PPM1G: variants seen among roughly 807,000 people sequenced by gnomAD.
PPM1G encodes protein phosphatase, Mg2+/Mn2+ dependent 1G.
A neutral mutation model predicts 59.4 loss-of-function variants in PPM1G; 12 were observed. The observed-to-expected ratio is 0.20, with a 90% CI of 0.13 to 0.33. PPM1G has a LOEUF of 0.33. Ranked by LOEUF, PPM1G falls within the 10% of genes least tolerant of loss-of-function variation. PPM1G has a pLI of 1.00. For missense variants in PPM1G, 392 were observed against 681.3 expected (o/e 0.58, Z 4.73); for synonymous variants, 245 against 251.9 (o/e 0.97, Z 0.26).
At chr2:27,398,042 T>C (rs1390355630) in intron 1 of PPM1G, among the ~76,000 whole-genome samples, 2 of 152,186 alleles carry the variant, frequency 1.3e-5, no homozygotes, top group Non-Finnish European at 2.9e-5. Context: ...AGGTGCCTTT[T>C]GTGCAGAAAT....
rs1031870368 is a variant in PPM1G, at chr2:27,393,227, C to T, written c.121-6069G>A. 8 of 1,566,076 alleles carry T rather than the reference C, an allele frequency of 5.1e-6. No homozygotes were observed. In the East Asian group the frequency reaches 1.8e-4, roughly 35 times the overall value. ...AGTATTTGGCAAAGTTCTTCAAAGC[C>T]ACATCATCGCTGTCAAAGTAGTAAG... On this transcript the variant is annotated intron_variant, in intron 1 of 9. Transcript: ENST00000344034.
intron 1 of PPM1G, among the ~76,000 whole-genome samples, chr2:27,395,828 A>G (rs1177137157): frequency 6.6e-6 from 1 of 150,460 alleles, no homozygotes; most frequent in East Asian, 2.0e-4. Context: ...ATGAGCAAGA[A>G]TAAGACCGTC....
In PPM1G at chr2:27,383,802, T is replaced by C. The variant is rs1371233116; in HGVS notation, c.966+150A>G. The C allele has an allele frequency of 7.7e-7, 1 of 1,294,032 alleles. No individual in the cohort carries two copies. The highest frequency in any genetic ancestry group is 1.1e-6 in the Non-Finnish European group (1 of 948,298). 80.2% of individuals were successfully genotyped at this position (1,294,032 alleles called of 1,614,324 possible). ...TTTAGATAATTCAACCCCAAAGGCT[T>C]ACCATCTCATTCCCCTTGCAGAATA... is the stretch of plus-strand genomic sequence containing the variant. On this transcript the variant is annotated intron_variant, in intron 6 of 9. Coordinates refer to ENST00000344034, the MANE Select transcript of PPM1G (RefSeq NM_177983.3). This position sits in a 1 kb window ranked among gnomAD's most constrained non-coding sequence, Gnocchi z 5.0.
In PPM1G at chr2:27,382,912, G is replaced by C. The variant is rs535702780; in HGVS notation, c.1202-307C>G. ...ACGATCTCGGCTCACTACAACCTCC[G>C]CCTCCCGGATTCAAGCGGTTCTCCT... On this transcript the variant is annotated intron_variant, in intron 7 of 9. Transcript: ENST00000344034. The surrounding 1 kb of genome is among the most constrained non-coding windows in gnomAD (Gnocchi z 4.2). Among the ~76,000 whole-genome samples the C allele has an allele frequency of 2.3e-3, 337 of 149,340 alleles. 2 individuals carry two copies. The highest frequency in any genetic ancestry group is 7.9e-3 in the African/African-American group (319 of 40,364).
chr2:27,408,925 C>T (rs892325021), intron 1 of PPM1G, among the ~76,000 whole-genome samples: 1 of 152,216 alleles, frequency 6.6e-6, no homozygotes, highest in African/African-American at 2.4e-5. Flanking sequence ...TCACCTCTCC[C>T]TTGAAAAACA....
At chr2:27,407,753 T>C (rs2148429749) in intron 1 of PPM1G, among the ~76,000 whole-genome samples, 1 of 152,154 alleles carries the variant, frequency 6.6e-6, no homozygotes, top group African/African-American at 2.4e-5. Context: ...TTCTTAGCTA[T>C]AAAATGTGGG....
intron 1 of PPM1G, among the ~76,000 whole-genome samples, chr2:27,398,806 G>GC (rs1037931096): frequency 6.7e-6 from 1 of 149,312 alleles, no homozygotes; most frequent in African/African-American, 2.5e-5. Context: ...TGGCAACAGA[G>GC]CGAGACTCCG....
chr2:27,390,085 A>G (rs1683863664), intron 1 of PPM1G, among the ~76,000 whole-genome samples: 1 of 151,096 alleles, frequency 6.6e-6, no homozygotes, highest in Non-Finnish European at 1.5e-5. Context: ...GGCGCGATCT[A>G]GGCTCACCAT....
chr2:27,402,588 C>T (rs1256930339), intron 1 of PPM1G, among the ~76,000 whole-genome samples: 3 of 151,948 alleles, frequency 2.0e-5, no homozygotes, highest in Non-Finnish European at 4.4e-5. Context: ...GGGTGGATCA[C>T]GAGGTCAGGA....
rs1197960544 is a variant in PPM1G at position 27,383,625 on chromosome 2, A to T, written c.967-25T>A. ...GCTTAAGAGGAAGAAAAGGAGCATC[A>T]TGGGGGCTTCTGAACATGCGTTCCT... On this transcript the variant is annotated intron_variant, in intron 6 of 9. Transcript: ENST00000344034. The surrounding 1 kb of genome is among the most constrained non-coding windows in gnomAD (Gnocchi z 5.0). The T allele has an allele frequency of 3.2e-6, 5 of 1,586,456 alleles. No homozygotes were observed. Among genetic ancestry groups the T allele is most frequent in the Non-Finnish European group, 4.3e-6 (5 of 1,163,804 alleles).
chr2:27,388,540 T>C (rs1239000780), intron 1 of PPM1G, among the ~76,000 whole-genome samples: 3 of 152,160 alleles, frequency 2.0e-5, no homozygotes, highest in Admixed American at 6.6e-5. Flanking sequence ...GGAAATGAGT[T>C]CACAATATCT....
rs910516569 is a variant in PPM1G, at chr2:27,396,163, G to A, written c.121-9005C>T. Among the ~76,000 whole-genome samples, 12 of 152,088 alleles carry A rather than the reference G, an allele frequency of 7.9e-5. 1 individual carries two copies. The highest frequency in any genetic ancestry group is 5.2e-4 in the Admixed American group (8 of 15,258). ...GGCGAGCACCTGTAATCCCAGCTAC[G>A]TGGGAGGCCGAGGCAGGACAATCAC... On this transcript the variant is annotated intron_variant, in intron 1 of 9. Transcript: ENST00000344034.
At chr2:27,395,894 A>G (rs149888362) in intron 1 of PPM1G, among the ~76,000 whole-genome samples, 1 of 152,232 alleles carries the variant, frequency 6.6e-6, no homozygotes, top group East Asian at 1.9e-4. Flanking sequence ...AAAACAGATA[A>G]TAACAACTGC....
chr2:27,385,849 C>A lies in PPM1G; in HGVS notation c.307G>T (p.Ala103Ser), dbSNP rs773561298. 1.2e-6 allele frequency: 2 copies of A among 1,613,608 alleles called. No individual in the cohort carries two copies. Among genetic ancestry groups the A allele is most frequent in the Non-Finnish European group, 1.7e-6 (2 of 1,179,896 alleles). The change falls in exon 4 of 10, where the codon GCC becomes TCC. Residue 103 changes from alanine to serine, a missense_variant. Ala to Ser is a moderately conservative substitution (Grantham distance 99). Coordinates refer to ENST00000344034, the MANE Select transcript of PPM1G (RefSeq NM_177983.3). The surrounding 1 kb of genome is among the most constrained non-coding windows in gnomAD (Gnocchi z 4.1). The stretch of plus-strand genomic sequence containing the variant: ...ATGACTTCTTCAGTGGTCAATTTGG[C>A]GTCAATAGCCAAGAAGGCATCTTCT... ...ALEDAFLAID[A>S]KLTTEEVIKE...
chr2:27,405,003 T>C (rs981773042), intron 1 of PPM1G, among the ~76,000 whole-genome samples: 4 of 150,836 alleles, frequency 2.7e-5, no homozygotes, highest in Non-Finnish European at 5.9e-5. Context: ...ATTTGACTTC[T>C]TATTTAGCCA....
intron 1 of PPM1G, among the ~76,000 whole-genome samples, chr2:27,401,845 G>GA (rs944315526): frequency 2.7e-5 from 4 of 150,708 alleles, no homozygotes; most frequent in Non-Finnish European, 5.9e-5. Context: ...AAAAAAAGAA[G>GA]AAAAAAAAGA....
intron 1 of PPM1G, among the ~76,000 whole-genome samples, chr2:27,394,787 TATTTC>T: frequency 6.7e-6 from 1 of 148,792 alleles, no homozygotes; most frequent in East Asian, 2.0e-4. Flanking sequence ...ACTGGAATGA[TATTTC>T]ATTTTCCAGG....
intron 1 of PPM1G, among the ~76,000 whole-genome samples, chr2:27,399,429 T>C (rs899775594): frequency 6.6e-5 from 10 of 152,164 alleles, no homozygotes; most frequent in East Asian, 1.9e-4. Flanking sequence ...ATCCAGCACT[T>C]TGGGAGGCCC....
At chr2:27,399,016 C>T (rs1173616691) in intron 1 of PPM1G, among the ~76,000 whole-genome samples, 2 of 150,286 alleles carry the variant, frequency 1.3e-5, no homozygotes, top group South Asian at 2.1e-4. Context: ...TGGTGGCACA[C>T]ACCTGGGTCC....
Sources: gnomAD v4.1 joint callset for allele counts (sites outside exome capture counted in the v4.1 genomes callset) on GRCh38, gnomAD v4.1.1 for gene constraint, Gnocchi (gnomAD v3.1) non-coding constraint, MANE v1.5 for transcripts, NCBI Gene and HGNC (gene_info 2026-07-23, HGNC 2026-07-21) for gene names.